The following RET variants were observed in gnomAD, a reference collection of about 807,000 sequenced individuals.
RET encodes ret proto-oncogene.
Under a neutral mutation model 118.3 loss-of-function variants are expected in RET, and 19 were observed. The observed-to-expected ratio is 0.16, with a 90% CI of 0.11 to 0.24. The LOEUF (loss-of-function observed/expected upper bound fraction) is 0.24. Among genes scored for constraint, RET ranks in the 10% least tolerant of loss-of-function variants. The pLI is 1.00. For synonymous variants in RET, 597 were observed against 644.1 expected (o/e 0.93, Z 1.11); for missense variants, 1,219 against 1,502.1 (o/e 0.81, Z 3.12).
At position 43,106,429 on chromosome 10, in the gene RET, A is replaced by G. The variant is rs748294306; in HGVS notation, c.921A>G (p.Ser307=). Reference sequence around the variant, plus strand: ...TCGATGCAGACGTGGTACCTGCATCAGGGGAGCTGGTGAGGCGGTACACAA... The same window carrying G: ...TCGATGCAGACGTGGTACCTGCATCGGGGGAGCTGGTGAGGCGGTACACAA... ...RVFDADVVPA[S]GELVRRYTST... The change falls in exon 5 of 20, where the codon TCA becomes TCG. Residue 307 remains serine, a synonymous_variant. Transcript: ENST00000355710. This position sits in a 1 kb window ranked among gnomAD's most constrained non-coding sequence, Gnocchi z 5.1. 7 of 1,613,504 alleles carry G rather than the reference A, an allele frequency of 4.3e-6. No homozygotes were observed. Among genetic ancestry groups the G allele is most frequent in the Non-Finnish European group, 5.1e-6 (6 of 1,179,864 alleles).
chr10:43,085,407 T>A (rs1443187474), intron 1 of RET, among the ~76,000 whole-genome samples: 3 of 152,226 alleles, frequency 2.0e-5, no homozygotes. Flanking sequence ...TCTTCTTGCC[T>A]CATCGTCAGT....
intron 6 of RET, 33 bp from the exon 7 acceptor site, chr10:43,111,174 G>A: frequency 6.2e-7 from 1 of 1,612,126 alleles, no homozygotes; most frequent in Non-Finnish European, 8.5e-7. Context: ...CGGTCCAGCT[G>A]CCTGGCTAAG....
intron 1 of RET, among the ~76,000 whole-genome samples, chr10:43,089,518 C>A (rs976942116): frequency 2.6e-5 from 4 of 152,232 alleles, no homozygotes; most frequent in Admixed American, 6.5e-5. Flanking sequence ...GTTACTGTCA[C>A]CTCTCCCAAG....
rs773921475 is a variant in RET, at chr10:43,086,448, T to C, written c.73+9117T>C. ...CATGGACATGATCTGAGTCACTGCC[T>C]TGCTGAGTGCATGGGGACAGTTGCC... On this transcript the variant is annotated intron_variant, in intron 1 of 19. Transcript: ENST00000355710. Among the ~76,000 whole-genome samples, 72 of 152,236 alleles carry C rather than the reference T, an allele frequency of 4.7e-4. No homozygotes were observed. The Middle Eastern group carries it at 0.01, about 22-fold the overall frequency.
chr10:43,081,475 C>A (rs555301037), intron 1 of RET, among the ~76,000 whole-genome samples: 36 of 152,238 alleles, frequency 2.4e-4, no homozygotes, highest in African/African-American at 8.2e-4. Context: ...CTTCCGCATG[C>A]GTGTGTGGCA....
chr10:43,080,364 G>T (rs367828649), intron 1 of RET, among the ~76,000 whole-genome samples: 1 of 152,338 alleles, frequency 6.6e-6, no homozygotes, highest in East Asian at 1.9e-4. Flanking sequence ...CCCCATGGGG[G>T]CTCACAGTGC....
chr10:43,124,928 G>A lies in RET; in HGVS notation c.2985G>A (p.Arg995=), dbSNP rs1252674267. 6.2e-7 allele frequency: 1 copy of A among 1,614,240 alleles called. No individual in the cohort carries two copies. Among genetic ancestry groups the A allele is most frequent in the Non-Finnish European group, 8.5e-7 (1 of 1,180,050 alleles). The change falls in exon 18 of 20, where the codon AGG becomes AGA. Residue 995 remains arginine, a synonymous_variant. Transcript: ENST00000355710. The part of the protein sequence containing the change: ...LQCWKQEPDK[R]PVFADISKDL... ...GCTGGAAGCAGGAGCCGGACAAAAG[G>A]CCGGTGTTTGCGGACATCAGCAAAG...
intron 1 of RET, among the ~76,000 whole-genome samples, chr10:43,081,042 C>T (rs533727304): frequency 1.3e-5 from 2 of 152,272 alleles, no homozygotes; most frequent in Admixed American, 6.5e-5. Flanking sequence ...TCATTTTTCC[C>T]ATCCTCCAGG....
At position 43,082,836 on chromosome 10, in the gene RET, G is replaced by T. The variant is rs1837214312; in HGVS notation, c.73+5505G>T. The stretch of plus-strand genomic sequence containing the variant: ...GACTGGGGAGATGTGTGCTCTGGGT[G>T]CCGGGACGAGGGTGGGTGAGCTGGA... On this transcript the variant is annotated intron_variant, in intron 1 of 19. Transcript: ENST00000355710. 2.0e-5 allele frequency among the ~76,000 whole-genome samples: 3 copies of T among 152,248 alleles called. No individual in the cohort carries two copies. In the South Asian group the frequency reaches 6.2e-4, roughly 31 times the overall value.
chr10:43,085,653 CAG>C (rs1837273979), intron 1 of RET, among the ~76,000 whole-genome samples: 1 of 152,214 alleles, frequency 6.6e-6, no homozygotes, highest in African/African-American at 2.4e-5. Flanking sequence ...TCATTTTACA[CAG>C]GGAGAAATCG....
In RET at chr10:43,106,111, G is replaced by A. The variant is rs12764797; in HGVS notation, c.868-265G>A. Among the ~76,000 whole-genome samples, 13,004 of 152,212 alleles carry A rather than the reference G, an allele frequency of 0.085. 720 individuals are homozygous for A. Among genetic ancestry groups the A allele is most frequent in the South Asian group, 0.14 (676 of 4,832 alleles). The stretch of plus-strand genomic sequence containing the variant: ...CCTGCCAGCAGGGTGCCTGGGCATC[G>A]GCTGTAATTCTCCTTATAAGAGGTC... On this transcript the variant is annotated intron_variant, in intron 4 of 19. Transcript: ENST00000355710. The surrounding 1 kb of genome is among the most constrained non-coding windows in gnomAD (Gnocchi z 5.1).
rs2132683519 is a variant in RET at position 43,102,559 on chromosome 10, C to T, written c.555C>T (p.Phe185=). 6.2e-7 allele frequency: 1 copy of T among 1,614,228 alleles called. No individual in the cohort carries two copies. Among genetic ancestry groups the T allele is most frequent in the Non-Finnish European group, 8.5e-7 (1 of 1,180,042 alleles). Residue 185 remains phenylalanine, a synonymous_variant, in exon 3 of 20, where the codon TTC becomes TTT. Coordinates refer to ENST00000355710, the MANE Select transcript of RET (RefSeq NM_020975.6). ...GGGAGAACCGACCCCCAGGCACCTT[C>T]CACCAGTTCCGCCTGCTGCCTGTGC... ...RIRENRPPGT[F]HQFRLLPVQF...
At chr10:43,082,460 G>A (rs1470358883) in intron 1 of RET, among the ~76,000 whole-genome samples, 2 of 152,228 alleles carry the variant, frequency 1.3e-5, no homozygotes, top group Non-Finnish European at 2.9e-5. Context: ...GCGGGCATAG[G>A]CTTTCCTCCC....
rs150261092 is a variant in RET at position 43,102,456 on chromosome 10, A to G, written c.452A>G (p.Asn151Ser). ...GCCCGCGTATACTTCTCCTTCTTCA[A>G]CACCTCCTTTCCAGCCTGCAGCTCC... ...GCARVYFSFF[N>S]TSFPACSSLK... Residue 151 changes from asparagine to serine, a missense_variant, in exon 3 of 20, where the codon AAC (asparagine) becomes AGC (serine). Coordinates refer to ENST00000355710, the MANE Select transcript of RET (RefSeq NM_020975.6). The G allele has an allele frequency of 1.3e-5, 21 of 1,614,004 alleles. No individual in the cohort carries two copies. The African/African-American group carries it at 1.9e-4, about 14-fold the overall frequency.
At chr10:43,094,818 T>C (rs926000506) in intron 1 of RET, among the ~76,000 whole-genome samples, 1 of 152,204 alleles carries the variant, frequency 6.6e-6, no homozygotes, top group East Asian at 1.9e-4. Context: ...AGTGTGAGAA[T>C]GTGTGAGCAT....
Position 43,102,491 on chromosome 10 carries a change from C to G in RET, c.487C>G (p.Arg163Gly), listed in dbSNP as rs371153966. 6.2e-7 allele frequency: 1 copy of G among 1,614,222 alleles called. No individual in the cohort carries two copies. Among genetic ancestry groups the G allele is most frequent in the Non-Finnish European group, 8.5e-7 (1 of 1,180,030 alleles). ...SFPACSSLKP[R>G]ELCFPETRPS... ...TCCAGCCTGCAGCTCCCTCAAGCCC[C>G]GGGAGCTCTGCTTCCCAGAGACAAG... Residue 163 changes from arginine (R) to glycine (G), a missense_variant, in exon 3 of 20, where the codon CGG becomes GGG. Arg to Gly is a moderately radical substitution (Grantham distance 125). Around this residue, in one of 5 missense-constraint regions of RET, gnomAD observed 850 missense variants for 969.6 expected, o/e 0.88. Transcript: ENST00000355710.
intron 1 of RET, among the ~76,000 whole-genome samples, chr10:43,080,369 C>T (rs1393003280): frequency 6.6e-6 from 1 of 152,252 alleles, no homozygotes; most frequent in Non-Finnish European, 1.5e-5. Context: ...TGGGGGCTCA[C>T]AGTGCACTGC....
rs1554817548 is a variant in RET, at chr10:43,102,427, C to G, written c.423C>G (p.Gly141=). ...GTGAGGGCGAGTGCCAGTGGCCAGG[C>G]TGTGCCCGCGTATACTTCTCCTTCT... ...SLREGECQWP[G]CARVYFSFFN... Residue 141 remains glycine, a synonymous_variant, in exon 3 of 20, where the codon GGC becomes GGG. Coordinates refer to ENST00000355710, the MANE Select transcript of RET (RefSeq NM_020975.6). 2 of 1,614,256 alleles carry G rather than the reference C, an allele frequency of 1.2e-6. No individual in the cohort carries two copies. The highest frequency in any genetic ancestry group is 1.7e-6 in the Non-Finnish European group (2 of 1,180,042).
chr10:43,077,709 G>A (rs2132503364), intron 1 of RET, among the ~76,000 whole-genome samples: 1 of 152,316 alleles, frequency 6.6e-6, no homozygotes, highest in Non-Finnish European at 1.5e-5. Flanking sequence ...GGGTCAGGGA[G>A]CCCCGAAAGC....
Sources: gnomAD v4.1 joint callset for allele counts (sites outside exome capture counted in the v4.1 genomes callset) on GRCh38, gnomAD v4.1.1 for gene constraint, gnomAD v4.1.1 regional missense constraint, Gnocchi (gnomAD v3.1) non-coding constraint, MANE v1.5 for transcripts, NCBI Gene and HGNC (gene_info 2026-07-23, HGNC 2026-07-21) for gene names.